Variants in IFFO1 observed in about 807,000 individuals in gnomAD.
IFFO1 encodes non-homologous end joining factor IFFO1.
IFFO1 carries 42 observed loss-of-function variants against 59.6 expected under a neutral mutation model. The ratio of observed to expected loss-of-function variants is 0.70; its 90% CI spans 0.55 to 0.91. IFFO1 has a LOEUF of 0.91. Among genes scored for constraint, IFFO1 ranks in the 40% least tolerant of loss-of-function variants. The probability of loss-of-function intolerance (pLI) is 0.00; values close to 1 mark genes in which losing one functional copy is unlikely to be tolerated. For missense variants in IFFO1, 711 were observed against 793.2 expected, an observed-to-expected ratio of 0.90 and a Z score of 1.24; for synonymous variants, 336 against 342.8, an observed-to-expected ratio of 0.98 and a Z score of 0.22.
chr12:6,554,953 G>T (rs1358518305), intron 1 of IFFO1, among the ~76,000 whole-genome samples: 2 of 152,210 alleles, frequency 1.3e-5, no homozygotes, highest in Non-Finnish European at 2.9e-5. Flanking sequence ...CGGTAGGGCA[G>T]AGCCCCAGTC....
At chr12:6,550,407 G>A (rs932884764) in intron 3 of IFFO1, 9 of 502,472 alleles carry the variant, frequency 1.8e-5, no homozygotes, top group Admixed American at 6.7e-5. Flanking sequence ...CTGAGGAATC[G>A]GCCCAGCGCC....
chr12:6,551,742 G>GTACCTCT, intron 1 of IFFO1: 1 of 350,826 alleles, frequency 2.9e-6, no homozygotes, highest in African/African-American at 2.1e-5. Context: ...AGTATGTAAA[G>GTACCTCT]GGGCCCGGTG....
chr12:6,550,750 A>T lies in IFFO1; in HGVS notation c.875T>A (p.Leu292Gln), dbSNP rs773814755. 6.8e-6 allele frequency: 11 copies of T among 1,614,066 alleles called. No individual in the cohort carries two copies. The highest frequency in any genetic ancestry group is 9.3e-6 in the Non-Finnish European group (11 of 1,180,034). ...CTCAGCCTTCAACTGTTCCACCTTC[A>T]GTGCCAGCTCCTCCTGGCAGGCATC... ...EADACQEELA[L>Q]KVEQLKAELV... Residue 292 changes from leucine to glutamine, a missense_variant, in exon 3 of 10, where the codon CTG becomes CAG. Leu to Gln is a moderately radical substitution (Grantham distance 113). This residue lies in a region of IFFO1 where 579 missense variants were observed against 650.3 expected (regional missense o/e 0.89). Coordinates refer to ENST00000619571, the MANE Select transcript of IFFO1 (RefSeq NM_001193457.2).
rs1422068216 is a variant in IFFO1, at chr12:6,549,728, T to C, written c.1071+28A>G. On this transcript the variant is annotated intron_variant, in intron 4 of 9. Coordinates refer to ENST00000619571, the MANE Select transcript of IFFO1 (RefSeq NM_001193457.2). The surrounding 1 kb of genome is among the most constrained non-coding windows in gnomAD (Gnocchi z 5.0). ...AGCATCCACCTGCCCCACCCACCCC[T>C]GAGAGCAGAGGGCAGCTCCGTCCTC... 1 of 1,597,010 alleles carries C rather than the reference T, an allele frequency of 6.3e-7. No homozygotes were observed. The highest frequency in any genetic ancestry group is 1.7e-5 in the Admixed American group (1 of 59,542).
At chr12:6,550,354 C>A in intron 3 of IFFO1, 2 of 429,424 alleles carry the variant, frequency 4.7e-6, no homozygotes, top group Middle Eastern at 1.3e-3. Context: ...TCCTGCAGAG[C>A]GCACGCGTTT....
rs1331517384 is a variant in IFFO1 at position 6,555,741 on chromosome 12, G to A, written c.289C>T (p.Arg97Trp). 4.3e-6 allele frequency: 7 copies of A among 1,612,754 alleles called. No individual in the cohort carries two copies. The highest frequency in any genetic ancestry group is 5.1e-6 in the Non-Finnish European group (6 of 1,179,398). ...FLAKVHELER[R>W]NRLLEKQLQQ... is the part of the protein sequence containing the mutation. ...AGTTGCTTCTCCAACAGCCGGTTCC[G>A]GCGCTCCAGCTCATGCACCTTGGCC... Residue 97 changes from arginine to tryptophan, a missense_variant, in exon 1 of 10, where the codon CGG (arginine) becomes TGG (tryptophan). Coordinates refer to ENST00000619571, the MANE Select transcript of IFFO1 (RefSeq NM_001193457.2). This position sits in a 1 kb window ranked among gnomAD's most constrained non-coding sequence, Gnocchi z 8.6.
rs1486835327 is a variant in IFFO1, at chr12:6,540,502, G to A, written c.1697C>T (p.Ser566Phe). 3.1e-6 allele frequency: 5 copies of A among 1,613,866 alleles called. No individual in the cohort carries two copies. Among genetic ancestry groups the A allele is most frequent in the Non-Finnish European group, 4.2e-6 (5 of 1,179,894 alleles). ...AGGTCTCTATCTCATGGAGCTGTCA[G>A]ATGAGACATCGCGATCGGAGTCCTC... ...EAEDSDRDVS[S>F]DSSMR Residue 566 changes from serine (S) to phenylalanine (F), a missense_variant, in exon 10 of 10, where the codon TCT (serine) becomes TTT (phenylalanine). Coordinates refer to ENST00000619571, the MANE Select transcript of IFFO1 (RefSeq NM_001193457.2).
At chr12:6,551,206 C>T (rs972644019) in intron 1 of IFFO1, among the ~76,000 whole-genome samples, 1 of 152,222 alleles carries the variant, frequency 6.6e-6, no homozygotes, top group Non-Finnish European at 1.5e-5. Context: ...TGATGGGCGT[C>T]GAGCTCGCCA....
Position 6,541,607 on chromosome 12 carries a change from C to T in IFFO1, c.1515G>A (p.Arg505=), listed in dbSNP as rs1341520443. The T allele has an allele frequency of 6.2e-7, 1 of 1,614,200 alleles. No individual in the cohort carries two copies. The highest frequency in any genetic ancestry group is 1.7e-5 in the Admixed American group (1 of 60,030). ...ACATCTCCATGTACTCGTGCAGGTGCCGGTTCATGTCGTTCTTGGCCGTGG... is the reference window on the plus strand; with the variant it reads ...ACATCTCCATGTACTCGTGCAGGTGTCGGTTCATGTCGTTCTTGGCCGTGG... ...ELATAKNDMN[R]HLHEYMEMCS... is the part of the protein sequence containing the mutation. Residue 505 remains arginine (R), a synonymous_variant, in exon 9 of 10, where the codon CGG becomes CGA. Coordinates refer to ENST00000619571, the MANE Select transcript of IFFO1 (RefSeq NM_001193457.2). This position sits in a 1 kb window ranked among gnomAD's most constrained non-coding sequence, Gnocchi z 4.8.
intron 2 of IFFO1, 42 bp from the exon 3 acceptor site, chr12:6,550,832 G>A: frequency 6.2e-7 from 1 of 1,605,276 alleles, no homozygotes; most frequent in Non-Finnish European, 8.5e-7. Flanking sequence ...CACTGCCGAG[G>A]TGGGAGGAAG....
Position 6,540,385 on chromosome 12 carries a change from G to A in IFFO1, c.*98C>T, listed in dbSNP as rs1946645225. ...CCCAGTCCCCAGGGACCGGCCTGGT[G>A]CAGAGCTGCAGCTGATGTTCCCCTC... On this transcript the variant is annotated 3_prime_UTR_variant, in exon 10 of 10. Transcript: ENST00000619571. The A allele has an allele frequency of 2.0e-6, 2 of 1,002,866 alleles. No individual in the cohort carries two copies. The highest frequency in any genetic ancestry group is 1.6e-5 in the African/African-American group (1 of 63,492). The allele number at this position is 1,002,866 out of a possible 1,614,324, so 62.1% of individuals were successfully genotyped here.
At position 6,550,787 on chromosome 12, in the gene IFFO1, CT is replaced by C. The variant is rs1328013460; in HGVS notation, c.837del (p.Ala280ProfsTer13). 2 of 1,613,862 alleles carry C rather than the reference CT, an allele frequency of 1.2e-6. No individual in the cohort carries two copies. The highest frequency in any genetic ancestry group is 1.7e-6 in the Non-Finnish European group (2 of 1,179,916). ...LQDRVNELQEEAQEADACQEE... is the reference protein window; with the variant it reads ...LQDRVNELQEXAQEADACQEE... ...TCCTGGCAGGCATCAGCCTCCTGGG[CT>C]TCCTGCAGTTGGGAGAAACCCTGAT... On this transcript the variant is annotated frameshift_variant and splice_region_variant, in exon 3 of 10. Coordinates refer to ENST00000619571, the MANE Select transcript of IFFO1 (RefSeq NM_001193457.2). LOFTEE classifies it high-confidence loss of function.
Position 6,548,399 on chromosome 12 carries a change from G to A in IFFO1, c.1383+26C>T, listed in dbSNP as rs2136121004. ...CAGGCTGGAGAGGCAGAGCCAGAGG[G>A]CCCTGAGGCCGGGAGCAGAGGTTAC... On this transcript the variant is annotated intron_variant, in intron 7 of 9. Transcript: ENST00000619571. This position sits in a 1 kb window ranked among gnomAD's most constrained non-coding sequence, Gnocchi z 6.1. The A allele has an allele frequency of 6.3e-7, 1 of 1,590,702 alleles. No individual in the cohort carries two copies.
intron 3 of IFFO1, chr12:6,550,143 G>A (rs1403865847): frequency 4.3e-6 from 2 of 462,984 alleles, no homozygotes; most frequent in Non-Finnish European, 7.8e-6. Flanking sequence ...GGAGGGCATG[G>A]CCAGTGCCTG....
Position 6,540,260 on chromosome 12 carries a change from G to C in IFFO1, c.*223C>G. ...GTGAAGGCAGGAGAGCCCCAACTGTGGTGGAAATGGCCCCAGAATGGTAGG... is the reference window on the plus strand; with the variant it reads ...GTGAAGGCAGGAGAGCCCCAACTGTCGTGGAAATGGCCCCAGAATGGTAGG... On this transcript the variant is annotated 3_prime_UTR_variant, in exon 10 of 10. Transcript: ENST00000619571. 1 of 581,734 alleles carries C rather than the reference G, an allele frequency of 1.7e-6. No homozygotes were observed. The highest frequency in any genetic ancestry group is 3.1e-6 in the Non-Finnish European group (1 of 326,786). 36.0% of individuals were successfully genotyped at this position (581,734 alleles called of 1,614,324 possible). A position where few individuals can be genotyped will look rare whatever the true frequency, so the allele number is the denominator to read the frequency against.
chr12:6,553,411 A>G (rs1947319293), intron 1 of IFFO1, among the ~76,000 whole-genome samples: 2 of 152,136 alleles, frequency 1.3e-5, no homozygotes, highest in Admixed American at 6.5e-5. Flanking sequence ...GCCACTGCTG[A>G]GCGCGTAGTT....
Position 6,553,354 on chromosome 12 carries a change from C to T in IFFO1, c.773+1903G>A, listed in dbSNP as rs957703440. On this transcript the variant is annotated intron_variant, in intron 1 of 9. Coordinates refer to ENST00000619571, the MANE Select transcript of IFFO1 (RefSeq NM_001193457.2). The stretch of plus-strand genomic sequence containing the variant: ...TTTAAAAAAAAAATGCTCCTGAGAA[C>T]AGCAGTTGTTCCTGTGGTTATGGAT... 1.3e-5 allele frequency among the ~76,000 whole-genome samples: 2 copies of T among 152,284 alleles called. 1 individual carries two copies. Among genetic ancestry groups the T allele is most frequent in the Admixed American group, 1.3e-4 (2 of 15,296 alleles).
At position 6,550,601 on chromosome 12, in the gene IFFO1, G is replaced by A. The variant is rs1947187207; in HGVS notation, c.930+94C>T. 12 of 870,340 alleles carry A rather than the reference G, an allele frequency of 1.4e-5. No homozygotes were observed. The East Asian group carries it at 2.6e-4, about 19-fold the overall frequency. 53.9% of individuals were successfully genotyped at this position (870,340 alleles called of 1,614,324 possible). On this transcript the variant is annotated intron_variant, in intron 3 of 9. Coordinates refer to ENST00000619571, the MANE Select transcript of IFFO1 (RefSeq NM_001193457.2). ...AAGCAAAGAGAAGGGGAGGAGCCGT[G>A]GACGGGAGGCCAACAGGCCAACACT... is the stretch of plus-strand genomic sequence containing the variant.
intron 8 of IFFO1, among the ~76,000 whole-genome samples, chr12:6,542,862 C>T (rs573030280): frequency 1.4e-4 from 21 of 152,328 alleles, no homozygotes; most frequent in South Asian, 1.0e-3. Context: ...GGTTCTGGAA[C>T]CATCACTCAG....
Sources: gnomAD v4.1 joint callset for allele counts (sites outside exome capture counted in the v4.1 genomes callset) on GRCh38, gnomAD v4.1.1 for gene constraint, gnomAD v4.1.1 regional missense constraint, Gnocchi (gnomAD v3.1) non-coding constraint, MANE v1.5 for transcripts, NCBI Gene and HGNC (gene_info 2026-07-23, HGNC 2026-07-21) for gene names.